The following MEIKIN variants were observed in gnomAD, a reference collection of about 807,000 sequenced individuals.
MEIKIN encodes meiotic kinetochore factor, also known as meiosis-specific kinetochore protein.
At chr5:131,829,554 G>A (rs1423296773) in intron 11 of MEIKIN, among the ~76,000 whole-genome samples, 3 of 152,114 alleles carry the variant, frequency 2.0e-5, no homozygotes, top group Admixed American at 1.3e-4. Flanking sequence ...TGAAGATCTA[G>A]AGAGGCAATA....
intron 9 of MEIKIN, among the ~76,000 whole-genome samples, chr5:131,860,514 C>T (rs755897693): frequency 6.6e-6 from 1 of 151,432 alleles, no homozygotes; most frequent in African/African-American, 2.4e-5. Flanking sequence ...GGTGTGATCT[C>T]GGCTGACTGC....
chr5:131,870,054 A>G (rs1750459023), intron 9 of MEIKIN, among the ~76,000 whole-genome samples: 1 of 152,146 alleles, frequency 6.6e-6, no homozygotes, highest in Non-Finnish European at 1.5e-5. Context: ...AAGTCCTACA[A>G]TTGACTTTTA....
chr5:131,904,655 G>A lies in MEIKIN; in HGVS notation c.703+7160C>T, dbSNP rs917737348. Among the ~76,000 whole-genome samples, 4 of 152,236 alleles carry A rather than the reference G, an allele frequency of 2.6e-5. No homozygotes were observed. The South Asian group carries it at 6.2e-4, about 24-fold the overall frequency. On this transcript the variant is annotated intron_variant, in intron 8 of 12. Transcript: ENST00000442687. ...CCCATTATTGGGTATATACCCAAAG[G>A]ATTATAAATCATACTACTATAAAGA...
chr5:131,860,250 T>A (rs2149618901), intron 9 of MEIKIN, among the ~76,000 whole-genome samples: 1 of 152,024 alleles, frequency 6.6e-6, no homozygotes, highest in East Asian at 1.9e-4. Context: ...CTTGTAGAGA[T>A]CTTTCACTTC....
intron 8 of MEIKIN, among the ~76,000 whole-genome samples, chr5:131,906,763 G>C (rs1055985195): frequency 2.6e-5 from 4 of 152,052 alleles, no homozygotes; most frequent in African/African-American, 9.7e-5. Context: ...ACTAATACAG[G>C]AACAGAAAAC....
chr5:131,930,669 T>C (rs804058), intron 5 of MEIKIN, among the ~76,000 whole-genome samples: 64,436 of 151,818 alleles, frequency 0.42, 18,113 homozygotes, highest in African/African-American at 0.81. Flanking sequence ...TGCTCTGTCA[T>C]CCAGGCTGGA....
intron 9 of MEIKIN, among the ~76,000 whole-genome samples, chr5:131,860,904 G>C (rs1376493905): frequency 6.6e-6 from 1 of 151,434 alleles, no homozygotes; most frequent in Non-Finnish European, 1.5e-5. Flanking sequence ...TGGGATTACA[G>C]GCATGCACCA....
At chr5:131,901,139 C>T (rs114350785) in intron 8 of MEIKIN, among the ~76,000 whole-genome samples, 1 of 152,144 alleles carries the variant, frequency 6.6e-6, no homozygotes, top group Non-Finnish European at 1.5e-5. Flanking sequence ...AGACCTACCC[C>T]ACACCCTGCA....
intron 11 of MEIKIN, among the ~76,000 whole-genome samples, chr5:131,820,429 C>T (rs901027989): frequency 6.6e-6 from 1 of 152,120 alleles, no homozygotes; most frequent in Non-Finnish European, 1.5e-5. Flanking sequence ...TGGTTTGCTA[C>T]TATTTCATTC....
rs543165277 is a variant in MEIKIN at position 131,812,066 on chromosome 5, C to T, written c.1100-4808G>A. 3.4e-3 allele frequency among the ~76,000 whole-genome samples: 525 copies of T among 152,316 alleles called. 1 individual carries two copies. The highest frequency in any genetic ancestry group is 6.5e-3 in the Non-Finnish European group (441 of 68,032). Reference sequence around the variant, plus strand: ...TAATCCCTTCCAAGTAATGCCCCCACTCCAACAAGGGCATCCACTATCGTG... The same window carrying T: ...TAATCCCTTCCAAGTAATGCCCCCATTCCAACAAGGGCATCCACTATCGTG... On this transcript the variant is annotated intron_variant, in intron 12 of 12. Transcript: ENST00000442687.
intron 9 of MEIKIN, among the ~76,000 whole-genome samples, chr5:131,863,412 C>T (rs1386800046): frequency 2.6e-5 from 4 of 152,090 alleles, no homozygotes; most frequent in Non-Finnish European, 5.9e-5. Flanking sequence ...TCCCCCATTA[C>T]TATATTGGAT....
At chr5:131,873,664 A>G (rs1750551298) in intron 9 of MEIKIN, among the ~76,000 whole-genome samples, 1 of 152,242 alleles carries the variant, frequency 6.6e-6, no homozygotes, top group Non-Finnish European at 1.5e-5. Context: ...AGACATCTAC[A>G]GAAATCTCCA....
chr5:131,844,114 C>G (rs1397047282), intron 11 of MEIKIN, among the ~76,000 whole-genome samples: 1 of 152,114 alleles, frequency 6.6e-6, no homozygotes, highest in Non-Finnish European at 1.5e-5. Flanking sequence ...TTTCAAACAA[C>G]TAGATCTCGT....
intron 9 of MEIKIN, among the ~76,000 whole-genome samples, chr5:131,855,621 C>G (rs1478717321): frequency 1.3e-5 from 2 of 150,710 alleles, no homozygotes; most frequent in Non-Finnish European, 3.0e-5. Flanking sequence ...GAATGAAAAG[C>G]AAAAGACAGA....
rs143243006 is a variant in MEIKIN at position 131,868,901 on chromosome 5, G to A, written c.774+10077C>T. ...CAATCTTTTATCAGATATGTCTTTTGCAAATATTGTCTCCCAATCTGTGGC... is the reference window on the plus strand; with the variant it reads ...CAATCTTTTATCAGATATGTCTTTTACAAATATTGTCTCCCAATCTGTGGC... On this transcript the variant is annotated intron_variant, in intron 9 of 12. Transcript: ENST00000442687. Among the ~76,000 whole-genome samples, 804 of 152,174 alleles carry A rather than the reference G, an allele frequency of 5.3e-3. 10 individuals are homozygous for A. The highest frequency in any genetic ancestry group is 0.038 in the South Asian group (185 of 4,822).
chr5:131,850,909 T>A (rs564949778), intron 11 of MEIKIN, among the ~76,000 whole-genome samples: 2 of 151,552 alleles, frequency 1.3e-5, no homozygotes, highest in African/African-American at 2.4e-5. Context: ...GACTGCACCC[T>A]GGCACTCCAG....
intron 8 of MEIKIN, among the ~76,000 whole-genome samples, chr5:131,889,953 G>C (rs1750878056): frequency 6.6e-6 from 1 of 152,104 alleles, no homozygotes; most frequent in Admixed American, 6.5e-5. Context: ...GGCCTTTTCT[G>C]CATCTATTGA....
chr5:131,905,735 T>A (rs551670670), intron 8 of MEIKIN, among the ~76,000 whole-genome samples: 1 of 151,866 alleles, frequency 6.6e-6, no homozygotes, highest in East Asian at 1.9e-4. Flanking sequence ...AACCCAAACA[T>A]AACCACCAGA....
chr5:131,900,594 T>C (rs1304731264), intron 8 of MEIKIN, among the ~76,000 whole-genome samples: 1 of 152,120 alleles, frequency 6.6e-6, no homozygotes, highest in East Asian at 1.9e-4. Flanking sequence ...CCCCCAAGGC[T>C]TGCCTTCCTC....
Sources: allele counts gnomAD v4.1 joint callset (sites outside exome capture counted in the v4.1 genomes callset), GRCh38; gene constraint gnomAD v4.1.1; transcripts MANE v1.5; gene names NCBI Gene and HGNC (gene_info 2026-07-23, HGNC 2026-07-21).